Variants in NECAB1 observed in about 807,000 individuals in gnomAD.
The protein encoded by NECAB1 is N-terminal EF-hand calcium-binding protein 1.
A neutral mutation model predicts 57.5 loss-of-function variants in NECAB1; 29 were observed. The ratio of observed to expected loss-of-function variants is 0.50; its 90% confidence interval spans 0.38 to 0.69. The LOEUF (loss-of-function observed/expected upper bound fraction) is 0.69. NECAB1 is among the 30% of genes least tolerant of loss of function. The pLI, the probability that NECAB1 is intolerant of heterozygous loss-of-function variation, is 0.00. For synonymous variants in NECAB1, 142 were observed against 147.7 expected (o/e 0.96, Z 0.28); for missense variants, 372 against 413.8 (o/e 0.90, Z 0.88).
At chr8:90,944,661 G>C (rs1267383101) in intron 10 of NECAB1, among the ~76,000 whole-genome samples, 1 of 152,154 alleles carries the variant, frequency 6.6e-6, no homozygotes, top group Admixed American at 6.6e-5. Context: ...AAAATAGGAT[G>C]CTCATTTATG....
At chr8:90,823,196 G>T (rs1413725963) in intron 2 of NECAB1, among the ~76,000 whole-genome samples, 4 of 151,444 alleles carry the variant, frequency 2.6e-5, no homozygotes. Flanking sequence ...GGACCCAGAA[G>T]ATCGGGTCCC....
intron 5 of NECAB1, among the ~76,000 whole-genome samples, chr8:90,892,469 A>G (rs1164035801): frequency 6.6e-6 from 1 of 152,242 alleles, no homozygotes; most frequent in Non-Finnish European, 1.5e-5. Context: ...ATGTTTTAAC[A>G]GTAAATAAAT....
intron 2 of NECAB1, among the ~76,000 whole-genome samples, chr8:90,803,531 C>G (rs567209962): frequency 1.3e-5 from 2 of 152,150 alleles, no homozygotes; most frequent in African/African-American, 4.8e-5. Context: ...AAGCACTGAA[C>G]AAAACAATGC....
At chr8:90,944,453 A>C (rs982326111) in intron 10 of NECAB1, among the ~76,000 whole-genome samples, 1 of 152,222 alleles carries the variant, frequency 6.6e-6, no homozygotes. Flanking sequence ...ACATATACAC[A>C]CACATTGTTT....
At chr8:90,918,782 A>G (rs1392523658) in intron 6 of NECAB1, among the ~76,000 whole-genome samples, 1 of 152,204 alleles carries the variant, frequency 6.6e-6, no homozygotes, top group Non-Finnish European at 1.5e-5. Context: ...CTGATTGGAC[A>G]GTAATTTCTC....
At chr8:90,908,940 T>C (rs1028171736) in intron 5 of NECAB1, among the ~76,000 whole-genome samples, 1 of 152,172 alleles carries the variant, frequency 6.6e-6, no homozygotes, top group Non-Finnish European at 1.5e-5. Context: ...TTTTAATTTA[T>C]AGGCTATCTT....
rs200565699 is a variant in NECAB1, at chr8:90,928,263, T to C, written c.657T>C (p.Asn219=). 11 of 1,609,420 alleles carry C rather than the reference T, an allele frequency of 6.8e-6. No homozygotes were observed. The highest frequency in any genetic ancestry group is 4.0e-5 in the African/African-American group (3 of 74,548). Residue 219 remains asparagine, a synonymous_variant, in exon 8 of 13, where the codon AAT becomes AAC. Coordinates refer to ENST00000417640, the MANE Select transcript of NECAB1 (RefSeq NM_022351.5). ...EEDNQWMTQI[N]RLQKLIDRLE... ...ACAACCAGTGGATGACCCAGATAAA[T>C]AGACTCCAGAAATTAATTGATAGAC...
intron 5 of NECAB1, among the ~76,000 whole-genome samples, chr8:90,892,275 C>G (rs1809200700): frequency 6.6e-6 from 1 of 151,888 alleles, no homozygotes; most frequent in Non-Finnish European, 1.5e-5. Context: ...GGTTTTTTCT[C>G]TATTGTGGGA....
chr8:90,832,432 G>T (rs1812310745), intron 3 of NECAB1, among the ~76,000 whole-genome samples: 1 of 151,862 alleles, frequency 6.6e-6, no homozygotes, highest in African/African-American at 2.4e-5. Flanking sequence ...AATGTTAAAG[G>T]GATTTTTTCA....
At chr8:90,811,203 G>A (rs528172563) in intron 2 of NECAB1, among the ~76,000 whole-genome samples, 6 of 151,994 alleles carry the variant, frequency 3.9e-5, no homozygotes, top group Non-Finnish European at 8.8e-5. Flanking sequence ...CACCTGCCTC[G>A]GCCTCCCAAA....
At chr8:90,928,112 C>A in intron 7 of NECAB1, 111 bp from the exon 8 acceptor site, 2 of 791,960 alleles carry the variant, frequency 2.5e-6, no homozygotes, top group South Asian at 3.3e-5. Context: ...AATGACCAGT[C>A]AGTGACACTG....
intron 3 of NECAB1, among the ~76,000 whole-genome samples, chr8:90,825,641 C>T (rs954299693): frequency 1.3e-5 from 2 of 151,710 alleles, no homozygotes; most frequent in Admixed American, 1.3e-4. Context: ...AGCCAAGATG[C>T]CAAGAAAATG....
intron 5 of NECAB1, among the ~76,000 whole-genome samples, chr8:90,883,019 GA>G (rs1170387464): frequency 6.6e-6 from 1 of 152,000 alleles, no homozygotes; most frequent in East Asian, 1.9e-4. Context: ...CTAATAGGAA[GA>G]AAAAAACAAG....
intron 3 of NECAB1, among the ~76,000 whole-genome samples, chr8:90,826,840 T>A (rs1812233585): frequency 1.3e-5 from 2 of 151,906 alleles, no homozygotes. Context: ...GACTACTAAA[T>A]GTTAAAGAAG....
intron 2 of NECAB1, among the ~76,000 whole-genome samples, chr8:90,804,317 A>G (rs985935440): frequency 6.6e-6 from 1 of 151,978 alleles, no homozygotes; most frequent in African/African-American, 2.4e-5. Context: ...GCCTAAAACA[A>G]TCGAACTCAT....
intron 2 of NECAB1, among the ~76,000 whole-genome samples, chr8:90,822,442 G>A (rs1004567720): frequency 6.6e-5 from 10 of 151,874 alleles, no homozygotes; most frequent in African/African-American, 2.2e-4. Flanking sequence ...TACTGCATGT[G>A]GTCACAACAG....
chr8:90,888,392 G>T (rs549832322), intron 5 of NECAB1, among the ~76,000 whole-genome samples: 19 of 152,318 alleles, frequency 1.2e-4, no homozygotes, highest in Admixed American at 2.6e-4. Flanking sequence ...ATAAGGGAGA[G>T]AAGTTAATGC....
intron 3 of NECAB1, among the ~76,000 whole-genome samples, chr8:90,829,131 C>G (rs1325094800): frequency 6.6e-6 from 1 of 151,976 alleles, no homozygotes; most frequent in Non-Finnish European, 1.5e-5. Flanking sequence ...TTTTTCTCAA[C>G]TTTTATAAAG....
chr8:90,917,913 TAC>T lies in NECAB1; in HGVS notation c.494+297_494+298del, dbSNP rs1294117754. ...ATATATATGTCTGTGTGTATATATA[TAC>T]ACACACACACATATATGTGTATGTG... On this transcript the variant is annotated intron_variant, in intron 6 of 12. Transcript: ENST00000417640. Among the ~76,000 whole-genome samples the T allele has an allele frequency of 8.2e-4, 101 of 123,226 alleles. 1 individual carries two copies. Among genetic ancestry groups the T allele is most frequent in the Middle Eastern group, 4.0e-3 (1 of 248 alleles). 80.8% of individuals were successfully genotyped at this position (123,226 alleles called of 152,430 possible).
Sources: gnomAD v4.1 joint callset for allele counts (sites outside exome capture counted in the v4.1 genomes callset) on GRCh38, gnomAD v4.1.1 for gene constraint, MANE v1.5 for transcripts, NCBI Gene and HGNC (gene_info 2026-07-23, HGNC 2026-07-21) for gene names.